The following POU5F2 variants were observed in gnomAD, a reference collection of about 807,000 sequenced individuals.
POU5F2 encodes the protein POU domain, class 5, transcription factor 2.
For synonymous variants in POU5F2, 191 were observed against 178.7 expected (o/e 1.07, Z -0.55); for missense variants, 401 against 426.6 (o/e 0.94, Z 0.53).
In POU5F2 at chr5:93,741,114, A is replaced by G. The variant is rs1243015227; in HGVS notation, c.450T>C (p.Ala150=). The G allele has an allele frequency of 1.2e-6, 2 of 1,613,736 alleles. No homozygotes were observed. Among genetic ancestry groups the G allele is most frequent in the Non-Finnish European group, 1.7e-6 (2 of 1,179,850 alleles). The change falls in exon 1 of 1, where the codon GCT becomes GCC. Residue 150 remains alanine (A), a synonymous_variant. Coordinates refer to ENST00000606183, the MANE Select transcript of POU5F2 (RefSeq NM_153216.2). ...GCACCTTCCCAAACAGAGCTCCCAC[A>G]GCGATCCCCACATCGGCCTGCGAGT... ...LGYSQADVGI[A]VGALFGKVLS... is the part of the protein sequence containing the mutation.
At position 93,735,381 on chromosome 5, in the gene POU5F2, C is replaced by T. The variant is rs899150336; in HGVS notation, c.*5196G>A. The T allele has an allele frequency of 1.3e-5, 2 of 152,240 alleles. No homozygotes were observed. Among genetic ancestry groups the T allele is most frequent in the Non-Finnish European group, 2.9e-5 (2 of 68,066 alleles). The allele number at this position is 152,240 out of a possible 1,614,324, so 9.4% of individuals were successfully genotyped here. A position where few individuals can be genotyped will look rare whatever the true frequency, so the allele number is the denominator to read the frequency against. On this transcript the variant is annotated 3_prime_UTR_variant, in exon 1 of 1. Transcript: ENST00000606183. Reference sequence around the variant, plus strand: ...CTAAGCAGAGGTGGGGCAGCTGTGTCAATGATGCAGCTATGCGGGGGCTGA... The same window carrying T: ...CTAAGCAGAGGTGGGGCAGCTGTGTTAATGATGCAGCTATGCGGGGGCTGA...
rs1746969956 is a variant in POU5F2 at position 93,735,212 on chromosome 5, A to C, written c.*5365T>G. On this transcript the variant is annotated 3_prime_UTR_variant, in exon 1 of 1. Coordinates refer to ENST00000606183, the MANE Select transcript of POU5F2 (RefSeq NM_153216.2). ...ATTAAAGTTTCTACATATCATCTTA[A>C]ATCTCTGAAAAATCTGAAATCACTT... The C allele has an allele frequency of 6.6e-6, 1 of 152,198 alleles. No individual in the cohort carries two copies. Among genetic ancestry groups the C allele is most frequent in the African/African-American group, 2.4e-5 (1 of 41,428 alleles). 9.4% of individuals were successfully genotyped at this position (152,198 alleles called of 1,614,324 possible). A position where few individuals can be genotyped will look rare whatever the true frequency, so the allele number is the denominator to read the frequency against.
Position 93,735,455 on chromosome 5 carries a change from C to T in POU5F2, c.*5122G>A, listed in dbSNP as rs1000463124. The T allele has an allele frequency of 1.3e-5, 2 of 152,266 alleles. No individual in the cohort carries two copies. Among genetic ancestry groups the T allele is most frequent in the Non-Finnish European group, 2.9e-5 (2 of 68,086 alleles). 9.4% of individuals were successfully genotyped at this position (152,266 alleles called of 1,614,324 possible). ...TGAGATTGAGAGCTCATCACAATTT[C>T]TCCACATCTGTAGAGGCTGCAGAAG... On this transcript the variant is annotated 3_prime_UTR_variant, in exon 1 of 1. Transcript: ENST00000606183.
rs1261227848 is a variant in POU5F2 at position 93,741,420 on chromosome 5, C to T, written c.144G>A (p.Pro48=). The T allele has an allele frequency of 2.5e-6, 4 of 1,613,288 alleles. No homozygotes were observed. Residue 48 remains proline, a synonymous_variant, in exon 1 of 1, where the codon CCG becomes CCA. Coordinates refer to ENST00000606183, the MANE Select transcript of POU5F2 (RefSeq NM_153216.2). The part of the protein sequence containing the change: ...QAAPGRVMVW[P]AVRPGICPGP... ...CTGGGCAGATCCCTGGCCTGACTGC[C>T]GGCCAGACCATCACCCTGCCAGGGG...
In POU5F2 at chr5:93,740,964, G is replaced by A. The variant is rs1581000354; in HGVS notation, c.600C>T (p.Cys200=). Residue 200 remains cysteine (C), a synonymous_variant, in exon 1 of 1, where the codon TGC becomes TGT. Transcript: ENST00000606183. Reference sequence around the variant, plus strand: ...ACTGTTGCAGGATCATCTCCATTTTGCATAAGCCCAGAAGGTTCTCTGCTT... The same window carrying A: ...ACTGTTGCAGGATCATCTCCATTTTACATAAGCCCAGAAGGTTCTCTGCTT... ...EVEAENLLGL[C]KMEMILQQSG... 9 of 1,613,904 alleles carry A rather than the reference G, an allele frequency of 5.6e-6. No individual in the cohort carries two copies. In the East Asian group the frequency reaches 2.0e-4, roughly 36 times the overall value.
At chr5:93,740,846 TTTGC>T in the POU5F2 span, 2 of 1,613,896 alleles carry the variant, frequency 1.2e-6, no homozygotes, top group Non-Finnish European at 1.7e-6. Context: ...ATGTGGCTGA[TTTGC>T]TGGGGTGTGG....
At position 93,740,336 on chromosome 5, in the gene POU5F2, C is replaced by G. The variant is rs1028051905; in HGVS notation, c.*241G>C. The G allele has an allele frequency of 7.9e-6, 4 of 503,306 alleles. No individual in the cohort carries two copies. Among genetic ancestry groups the G allele is most frequent in the Non-Finnish European group, 1.4e-5 (4 of 285,098 alleles). 31.2% of individuals were successfully genotyped at this position (503,306 alleles called of 1,614,324 possible). On this transcript the variant is annotated 3_prime_UTR_variant, in exon 1 of 1. Transcript: ENST00000606183. Reference sequence around the variant, plus strand: ...AAACCATCTATATACTGTAATGTACCTTTAAACCAATGCTAGGGAAAAACA... The same window carrying G: ...AAACCATCTATATACTGTAATGTACGTTTAAACCAATGCTAGGGAAAAACA...
At position 93,741,189 on chromosome 5, in the gene POU5F2, C is replaced by T; in HGVS notation, c.375G>A (p.Glu125=). 6.2e-7 allele frequency: 1 copy of T among 1,613,926 alleles called. No homozygotes were observed. Among genetic ancestry groups the T allele is most frequent in the Non-Finnish European group, 8.5e-7 (1 of 1,179,894 alleles). ...PPEDISGILK[E]LQQLAKELRQ... ...TCAACTCCTTGGCCAATTGCTGCAA[C>T]TCTTTCAGTATGCCCGAGATGTCCT... is the stretch of plus-strand genomic sequence containing the variant. Residue 125 remains glutamate, a synonymous_variant, in exon 1 of 1, where the codon GAG becomes GAA. Transcript: ENST00000606183.
Position 93,738,435 on chromosome 5 carries a change from C to G in POU5F2, c.*2142G>C, listed in dbSNP as rs574390521. ...AGAATTACTGTATGACTCAGAAATTCCACTCCTATGTATACATCCAAGAGA... is the reference window on the plus strand; with the variant it reads ...AGAATTACTGTATGACTCAGAAATTGCACTCCTATGTATACATCCAAGAGA... On this transcript the variant is annotated 3_prime_UTR_variant, in exon 1 of 1. Coordinates refer to ENST00000606183, the MANE Select transcript of POU5F2 (RefSeq NM_153216.2). The G allele has an allele frequency of 2.2e-4, 33 of 152,472 alleles. No homozygotes were observed. Among genetic ancestry groups the G allele is most frequent in the Admixed American group, 7.8e-4 (12 of 15,308 alleles). The allele number at this position is 152,472 out of a possible 1,614,324, so 9.4% of individuals were successfully genotyped here. A position where few individuals can be genotyped will look rare whatever the true frequency, so the allele number is the denominator to read the frequency against.
At position 93,741,271 on chromosome 5, in the gene POU5F2, C is replaced by T. The variant is rs765019645; in HGVS notation, c.293G>A (p.Gly98Asp). The change falls in exon 1 of 1, where the codon GGC becomes GAC. Residue 98 changes from glycine (G) to aspartate (D), a missense_variant. Coordinates refer to ENST00000606183, the MANE Select transcript of POU5F2 (RefSeq NM_153216.2). ...GGCAATGTAGGGCCCCGGGAGGGCG[C>T]CTTCGGAGGGGCGTCGCAACCAGTC... ...AGDWLRRPSE[G>D]ALPGPYIALR... 3.1e-6 allele frequency: 5 copies of T among 1,613,862 alleles called. No homozygotes were observed. The East Asian group carries it at 1.1e-4, about 36-fold the overall frequency.
chr5:93,740,800 C>T lies in POU5F2; in HGVS notation c.764G>A (p.Arg255Gln), dbSNP rs374849047. 6.2e-7 allele frequency: 1 copy of T among 1,612,952 alleles called. No homozygotes were observed. Among genetic ancestry groups the T allele is most frequent in the Non-Finnish European group, 8.5e-7 (1 of 1,179,336 alleles). Residue 255 changes from arginine to glutamine, a missense_variant, in exon 1 of 1, where the codon CGA (arginine) becomes CAA (glutamine). By Grantham distance (43) the Arg-to-Gln change is conservative. Transcript: ENST00000606183. ...CTTGCTGCGGTTATAGAACCAAACT[C>T]GAACCACATCCTTCTGCAGCTGGAG... ...GCLQLQKDVV[R>Q]VWFYNRSKMG...
In POU5F2 at chr5:93,736,508, C is replaced by T. The variant is rs924239377; in HGVS notation, c.*4069G>A. 6 of 152,168 alleles carry T rather than the reference C, an allele frequency of 3.9e-5. No individual in the cohort carries two copies. Among genetic ancestry groups the T allele is most frequent in the South Asian group, 2.1e-4 (1 of 4,798 alleles). 9.4% of individuals were successfully genotyped at this position (152,168 alleles called of 1,614,324 possible). A position where few individuals can be genotyped will look rare whatever the true frequency, so the allele number is the denominator to read the frequency against. On this transcript the variant is annotated 3_prime_UTR_variant, in exon 1 of 1. Transcript: ENST00000606183. Reference sequence around the variant, plus strand: ...GGTTTAAAACTTATTTTCATCACCCCGGGTGAGTCATTTACTCTTACACAA... The same window carrying T: ...GGTTTAAAACTTATTTTCATCACCCTGGGTGAGTCATTTACTCTTACACAA...
rs974808099 is a variant in POU5F2 at position 93,738,492 on chromosome 5, A to G, written c.*2085T>C. On this transcript the variant is annotated 3_prime_UTR_variant, in exon 1 of 1. Transcript: ENST00000606183. ...ACAACAGATAAACAAATAGATTATTATATGTAAATGTTCATAGCAGTATCA... is the reference window on the plus strand; with the variant it reads ...ACAACAGATAAACAAATAGATTATTGTATGTAAATGTTCATAGCAGTATCA... The G allele has an allele frequency of 1.3e-5, 2 of 152,256 alleles. No individual in the cohort carries two copies. Among genetic ancestry groups the G allele is most frequent in the Non-Finnish European group, 2.9e-5 (2 of 68,050 alleles). The allele number at this position is 152,256 out of a possible 1,614,324, so 9.4% of individuals were successfully genotyped here. A position where few individuals can be genotyped will look rare whatever the true frequency, so the allele number is the denominator to read the frequency against.
Position 93,740,414 on chromosome 5 carries a change from T to C in POU5F2, c.*163A>G. On this transcript the variant is annotated 3_prime_UTR_variant, in exon 1 of 1. Transcript: ENST00000606183. Reference sequence around the variant, plus strand: ...TTCATCTTCTCTCCCAGGTTTTTCTTGAACAATTCCCACCCCCATTCCCTA... The same window carrying C: ...TTCATCTTCTCTCCCAGGTTTTTCTCGAACAATTCCCACCCCCATTCCCTA... The C allele has an allele frequency of 1.4e-6, 1 of 725,094 alleles. No homozygotes were observed. Among genetic ancestry groups the C allele is most frequent in the Non-Finnish European group, 2.2e-6 (1 of 459,614 alleles). 44.9% of individuals were successfully genotyped at this position (725,094 alleles called of 1,614,324 possible).
In POU5F2 at chr5:93,741,143, C is replaced by A. The variant is rs373405434; in HGVS notation, c.421G>T (p.Gly141Trp). The change falls in exon 1 of 1, where the codon GGG becomes TGG. Residue 141 changes from glycine (G) to tryptophan (W), a missense_variant. Coordinates refer to ENST00000606183, the MANE Select transcript of POU5F2 (RefSeq NM_153216.2). ...ATCCCCACATCGGCCTGCGAGTACC[C>A]TAGGCTCAACCTCTTCTGCCTCAAC... ...KELRQKRLSLGYSQADVGIAV... is the reference protein window; with the variant it reads ...KELRQKRLSLWYSQADVGIAV... The A allele has an allele frequency of 1.2e-5, 19 of 1,613,870 alleles. No homozygotes were observed. The highest frequency in any genetic ancestry group is 1.6e-5 in the Non-Finnish European group (19 of 1,179,878).
chr5:93,740,036 G>C lies in POU5F2; in HGVS notation c.*541C>G, dbSNP rs1010947992. 6.6e-6 allele frequency: 1 copy of C among 151,844 alleles called. No homozygotes were observed. The highest frequency in any genetic ancestry group is 2.4e-5 in the African/African-American group (1 of 41,300). The allele number at this position is 151,844 out of a possible 1,614,324, so 9.4% of individuals were successfully genotyped here. On this transcript the variant is annotated 3_prime_UTR_variant, in exon 1 of 1. Coordinates refer to ENST00000606183, the MANE Select transcript of POU5F2 (RefSeq NM_153216.2). ...AAAAAAATCTTCCAAGAAAGCTCAG[G>C]TGTTTCAGCAAGGGCTCTAGGTGGG...
In POU5F2 at chr5:93,735,163, T is replaced by C. The variant is rs985456801; in HGVS notation, c.*5414A>G. The C allele has an allele frequency of 6.6e-6, 1 of 152,230 alleles. No individual in the cohort carries two copies. The highest frequency in any genetic ancestry group is 2.4e-5 in the African/African-American group (1 of 41,464). 9.4% of individuals were successfully genotyped at this position (152,230 alleles called of 1,614,324 possible). A position where few individuals can be genotyped will look rare whatever the true frequency, so the allele number is the denominator to read the frequency against. On this transcript the variant is annotated 3_prime_UTR_variant, in exon 1 of 1. Transcript: ENST00000606183. ...TTTCTCCCAACTCTAAGGGTAGTTA[T>C]TCTTCTGTTTAAGGGATCTTCTGAT...
chr5:93,740,792 A>C lies in POU5F2; in HGVS notation c.772T>G (p.Phe258Val). The change falls in exon 1 of 1, where the codon TTC becomes GTC. Residue 258 changes from phenylalanine to valine, a missense_variant. By Grantham distance (50) the Phe-to-Val change is conservative. Transcript: ENST00000606183. ...QLQKDVVRVW[F>V]YNRSKMGSRP... is the part of the protein sequence containing the mutation. ...CTGCCCATCTTGCTGCGGTTATAGA[A>C]CCAAACTCGAACCACATCCTTCTGC... 6.2e-7 allele frequency: 1 copy of C among 1,612,668 alleles called. No individual in the cohort carries two copies.
At position 93,737,748 on chromosome 5, in the gene POU5F2, C is replaced by T. The variant is rs948688306; in HGVS notation, c.*2829G>A. The T allele has an allele frequency of 6.3e-6, 2 of 319,764 alleles. No individual in the cohort carries two copies. Among genetic ancestry groups the T allele is most frequent in the African/African-American group, 4.4e-5 (2 of 44,962 alleles). 19.8% of individuals were successfully genotyped at this position (319,764 alleles called of 1,614,324 possible). On this transcript the variant is annotated 3_prime_UTR_variant, in exon 1 of 1. Coordinates refer to ENST00000606183, the MANE Select transcript of POU5F2 (RefSeq NM_153216.2). ...ATCATTCAATGCAGAAAGAACATCT[C>T]CTCAACAAATGGTGCTGGGAAAACT...
Sources: gnomAD v4.1 joint callset for allele counts on GRCh38, gnomAD v4.1.1 for gene constraint, MANE v1.5 for transcripts, NCBI Gene and HGNC (gene_info 2026-07-23, HGNC 2026-07-21) for gene names.